Variants in FHIT observed in about 807,000 individuals in gnomAD.
The protein encoded by FHIT is bis(5'-adenosyl)-triphosphatase.
FHIT carries 19 observed loss-of-function variants against 17.9 expected under a neutral mutation model. The observed-to-expected ratio is 1.06, with a 90% CI of 0.74 to 1.56. The LOEUF is 1.56. FHIT is among the 40% of genes most tolerant of loss of function. FHIT has a pLI of 0.00. For synonymous variants in FHIT, 81 were observed against 69.7 expected, an observed-to-expected ratio of 1.16 and a Z score of -0.81; for missense variants, 248 against 189.2, an observed-to-expected ratio of 1.31 and a Z score of -1.82.
At chr3:60,455,621 A>T (rs1389000712) in intron 5 of FHIT, among the ~76,000 whole-genome samples, 1 of 152,156 alleles carries the variant, frequency 6.6e-6, no homozygotes, top group East Asian at 1.9e-4. Context: ...AAAAAGAGTC[A>T]TTTAACTATT....
intron 3 of FHIT, among the ~76,000 whole-genome samples, chr3:60,961,884 T>C (rs1315723416): frequency 6.6e-6 from 1 of 152,224 alleles, no homozygotes; most frequent in African/African-American, 2.4e-5. Context: ...CTTTGTTCTT[T>C]TGGCTTAGGA....
At chr3:60,492,656 A>T (rs1246069448) in intron 5 of FHIT, among the ~76,000 whole-genome samples, 1 of 151,798 alleles carries the variant, frequency 6.6e-6, no homozygotes, top group African/African-American at 2.4e-5. Context: ...ACAGGCGCCC[A>T]CCATCATGCC....
At chr3:59,772,356 G>A (rs1211118716) in intron 8 of FHIT, among the ~76,000 whole-genome samples, 1 of 152,228 alleles carries the variant, frequency 6.6e-6, no homozygotes, top group African/African-American at 2.4e-5. Flanking sequence ...CTGAAGGATT[G>A]CTGGGAGGAA....
At chr3:59,827,939 T>C (rs998000781) in intron 8 of FHIT, among the ~76,000 whole-genome samples, 2 of 152,202 alleles carry the variant, frequency 1.3e-5, no homozygotes, top group Non-Finnish European at 2.9e-5. Flanking sequence ...TGATCATAAA[T>C]TGCTCATCTC....
intron 2 of FHIT, among the ~76,000 whole-genome samples, chr3:61,193,028 G>A (rs569559878): frequency 1.3e-5 from 2 of 152,046 alleles, no homozygotes; most frequent in South Asian, 2.1e-4. Flanking sequence ...ATATTCAAAC[G>A]CAAAAGATGC....
At chr3:60,107,619 C>T (rs963395675) in intron 5 of FHIT, among the ~76,000 whole-genome samples, 3 of 152,154 alleles carry the variant, frequency 2.0e-5, no homozygotes, top group East Asian at 1.9e-4. Flanking sequence ...AATATATATA[C>T]ATAAGTTTGT....
intron 7 of FHIT, among the ~76,000 whole-genome samples, chr3:59,935,287 G>T (rs923552512): frequency 3.3e-5 from 5 of 152,152 alleles, no homozygotes; most frequent in African/African-American, 1.2e-4. Context: ...AGCTGTTGTT[G>T]TAGTCATGGA....
At chr3:60,391,899 C>T (rs1228522883) in intron 5 of FHIT, among the ~76,000 whole-genome samples, 1 of 151,364 alleles carries the variant, frequency 6.6e-6, no homozygotes, top group East Asian at 1.9e-4. Context: ...CTAATTAACT[C>T]TTGGCTGGTG....
chr3:60,852,916 A>G (rs1703212920), intron 3 of FHIT, among the ~76,000 whole-genome samples: 1 of 152,154 alleles, frequency 6.6e-6, no homozygotes, highest in Non-Finnish European at 1.5e-5. Flanking sequence ...AAAAGGCAGA[A>G]TGGACAGCTT....
chr3:61,064,951 T>C (rs1227595069), intron 2 of FHIT, among the ~76,000 whole-genome samples: 6 of 152,194 alleles, frequency 3.9e-5, no homozygotes, highest in Non-Finnish European at 8.8e-5. Context: ...AAGCTCATTA[T>C]ACTGCCAACT....
chr3:61,224,960 A>G (rs1418215436), intron 1 of FHIT, among the ~76,000 whole-genome samples: 1 of 152,216 alleles, frequency 6.6e-6, no homozygotes, highest in African/African-American at 2.4e-5. Flanking sequence ...GATAAGTACT[A>G]TTATGAACTC....
At chr3:61,233,000 G>C (rs959284361) in intron 1 of FHIT, among the ~76,000 whole-genome samples, 1 of 152,142 alleles carries the variant, frequency 6.6e-6, no homozygotes, top group Non-Finnish European at 1.5e-5. Context: ...TACCTTAAGG[G>C]AGATGGGTAC....
At chr3:60,432,025 G>C (rs73096281) in intron 5 of FHIT, among the ~76,000 whole-genome samples, 8 of 152,034 alleles carry the variant, frequency 5.3e-5, no homozygotes, top group Non-Finnish European at 5.9e-5. Context: ...ACCCAGGCTA[G>C]AGTGCAGTAG....
chr3:60,782,058 C>T (rs782341956), intron 4 of FHIT, among the ~76,000 whole-genome samples: 1 of 152,100 alleles, frequency 6.6e-6, no homozygotes, highest in Non-Finnish European at 1.5e-5. Flanking sequence ...CTACTCTCTG[C>T]TTCTATGAGT....
intron 4 of FHIT, among the ~76,000 whole-genome samples, chr3:60,770,842 GC>G (rs1700020146): frequency 6.6e-6 from 1 of 152,126 alleles, no homozygotes; most frequent in African/African-American, 2.4e-5. Flanking sequence ...TCTTCCAAAT[GC>G]CCCATATCCT....
Position 61,020,381 on chromosome 3 carries a change from GTTGT to G in FHIT, c.-111+21662_-111+21665del, listed in dbSNP as rs575008142. Among the ~76,000 whole-genome samples, 41 of 152,204 alleles carry G rather than the reference GTTGT, an allele frequency of 2.7e-4. No individual in the cohort carries two copies. The East Asian group carries it at 7.3e-3, about 27-fold the overall frequency. On this transcript the variant is annotated intron_variant, in intron 3 of 9. Transcript: ENST00000492590. ...ATATCCTTCACCCACTTTTTATGGG[GTTGT>G]TTGTTTTTTTCTTGTAAATTTTTTT...
chr3:59,897,836 G>A (rs1704140578), intron 8 of FHIT, among the ~76,000 whole-genome samples: 3 of 150,958 alleles, frequency 2.0e-5, no homozygotes, highest in East Asian at 3.9e-4. Context: ...GCGCGATCTC[G>A]GCTCACTGCA....
At chr3:60,472,875 G>C (rs373730) in intron 5 of FHIT, among the ~76,000 whole-genome samples, 1 of 151,978 alleles carries the variant, frequency 6.6e-6, no homozygotes, top group Admixed American at 6.6e-5. Flanking sequence ...AGTAATTATC[G>C]TATCTCAATT....
At chr3:60,885,723 A>C (rs1431425074) in intron 3 of FHIT, among the ~76,000 whole-genome samples, 1 of 152,122 alleles carries the variant, frequency 6.6e-6, no homozygotes, top group African/African-American at 2.4e-5. Context: ...TATGGCAACA[A>C]GTCTTTTATA....
Sources: allele counts gnomAD v4.1 joint callset (sites outside exome capture counted in the v4.1 genomes callset), GRCh38; gene constraint gnomAD v4.1.1; transcripts MANE v1.5; gene names NCBI Gene and HGNC (gene_info 2026-07-23, HGNC 2026-07-21).